SH2B1: variants seen among roughly 807,000 people sequenced by gnomAD.
SH2B1 encodes the protein SH2B adapter protein 1.
Under a neutral mutation model 62.6 loss-of-function variants are expected in SH2B1, and 15 were observed. That is an observed-to-expected ratio of 0.24 (90% CI 0.16 to 0.37). The LOEUF is 0.37. Ranked by LOEUF, SH2B1 falls within the 10% of genes least tolerant of loss-of-function variation. SH2B1 has a pLI of 1.00. For synonymous variants in SH2B1, 443 were observed against 438.0 expected (o/e 1.01, Z -0.14); for missense variants, 925 against 1,015.6 (o/e 0.91, Z 1.21).
Position 28,866,235 on chromosome 16 carries a change from C to G in SH2B1, c.141C>G (p.Leu47=). Residue 47 remains leucine (L), a synonymous_variant, in exon 1 of 8, where the codon CTC becomes CTG. Transcript: ENST00000684370. This position sits in a 1 kb window ranked among gnomAD's most constrained non-coding sequence, Gnocchi z 6.3. ...TGGACTTTGCCCGCCGTTTTCGCCT[C>G]TACCTGGCCTCCCACCCCCAATATG... The part of the protein sequence containing the change: ...AALDFARRFR[L]YLASHPQYAG... 6.2e-7 allele frequency: 1 copy of G among 1,610,872 alleles called. No homozygotes were observed. Among genetic ancestry groups the G allele is most frequent in the Non-Finnish European group, 8.5e-7 (1 of 1,179,432 alleles).
Position 28,866,520 on chromosome 16 carries a change from A to G in SH2B1, c.426A>G (p.Thr142=), listed in dbSNP as rs1390134212. The stretch of plus-strand genomic sequence containing the variant: ...CTTCCTCAGTCTCTTCCTCCTCTAC[A>G]ACCTCCTCCAAGCCGAAGCTCAAGA... ...PLPSSVSSSS[T]TSSKPKLKKR... Residue 142 remains threonine, a synonymous_variant, in exon 1 of 8, where the codon ACA becomes ACG. Transcript: ENST00000684370. The surrounding 1 kb of genome is among the most constrained non-coding windows in gnomAD (Gnocchi z 6.3). 2 of 1,613,644 alleles carry G rather than the reference A, an allele frequency of 1.2e-6. No homozygotes were observed. Among genetic ancestry groups the G allele is most frequent in the Non-Finnish European group, 8.5e-7 (1 of 1,179,932 alleles).
chr16:28,859,869 C>CG (rs200424911), upstream of SH2B1, among the ~76,000 whole-genome samples: 3 of 59,518 alleles, frequency 5.0e-5, no homozygotes, highest in Admixed American at 1.6e-4. Flanking sequence ...AACCAATAGA[C>CG]CCCCCCCCCC....
chr16:28,859,903 G>C (rs1359197018), upstream of SH2B1, among the ~76,000 whole-genome samples: 1 of 133,048 alleles, frequency 7.5e-6, no homozygotes, highest in African/African-American at 3.0e-5. Flanking sequence ...GTTTAAGTTA[G>C]CTGGAATTAG....
At position 28,863,912 on chromosome 16, in the gene SH2B1, G is replaced by T; in HGVS notation, c.-2183G>T. 1.4e-6 allele frequency: 2 copies of T among 1,480,958 alleles called. No homozygotes were observed. The highest frequency in any genetic ancestry group is 1.3e-5 in the South Asian group (1 of 78,150). The allele number at this position is 1,480,958 out of a possible 1,614,324, so 91.7% of individuals were successfully genotyped here. A position where few individuals can be genotyped will look rare whatever the true frequency, so the allele number is the denominator to read the frequency against. On this transcript the variant is annotated 5_prime_UTR_variant, in exon 1 of 8. Coordinates refer to ENST00000684370, the MANE Select transcript of SH2B1 (RefSeq NM_001387430.1). Reference sequence around the variant, plus strand: ...AGCGGGAGCCGCCGCCGCCGCCGCCGCCGCCGGAGCTAACCTCGGGGACCG... The same window carrying T: ...AGCGGGAGCCGCCGCCGCCGCCGCCTCCGCCGGAGCTAACCTCGGGGACCG...
intron 4 of SH2B1, among the ~76,000 whole-genome samples, chr16:28,869,655 C>G (rs149403937): frequency 6.6e-6 from 1 of 152,318 alleles, no homozygotes; most frequent in African/African-American, 2.4e-5. Flanking sequence ...TCCTGCCAGC[C>G]ACCGCTCTGG....
In SH2B1 at chr16:28,866,653, A is replaced by G. The variant is rs528079443; in HGVS notation, c.559A>G (p.Thr187Ala). 2.7e-5 allele frequency: 44 copies of G among 1,611,676 alleles called. 1 individual carries two copies. The South Asian group carries it at 4.6e-4, about 17-fold the overall frequency. The change falls in exon 1 of 8, where the codon ACC becomes GCC. Residue 187 changes from threonine to alanine, a missense_variant. This residue lies in a region of SH2B1 where 683 missense variants were observed against 704.0 expected (regional missense o/e 0.97). Coordinates refer to ENST00000684370, the MANE Select transcript of SH2B1 (RefSeq NM_001387430.1). The surrounding 1 kb of genome is among the most constrained non-coding windows in gnomAD (Gnocchi z 6.3). ...DPPSSAGPLETSSGPPVLGGN... is the reference protein window; with the variant it reads ...DPPSSAGPLEASSGPPVLGGN... ...TCCCTCCTCCGCTGGGCCCCTGGAG[A>G]CCTCGTCAGGCCCCCCAGTCTTAGG...
chr16:28,850,922 C>A (rs1325732751), intron 1 of SH2B1, among the ~76,000 whole-genome samples: 1 of 150,208 alleles, frequency 6.7e-6, no homozygotes, highest in Non-Finnish European at 1.5e-5. Flanking sequence ...TGCCTGTAAT[C>A]CCAGCACTTT....
In SH2B1 at chr16:28,852,736, A is replaced by G. The variant is rs1348105290; in HGVS notation, c.-301+5909A>G. On this transcript the variant is annotated intron_variant, in intron 1 of 10. Transcript: ENST00000322610. Reference sequence around the variant, plus strand: ...TTTACATATATATTTATATATATACATATATATATTTACATATATATGTAT... The same window carrying G: ...TTTACATATATATTTATATATATACGTATATATATTTACATATATATGTAT... Among the ~76,000 whole-genome samples, 39 of 39,366 alleles carry G rather than the reference A, an allele frequency of 9.9e-4. 5 individuals are homozygous for G. The highest frequency in any genetic ancestry group is 4.8e-3 in the East Asian group (10 of 2,062). 25.8% of individuals were successfully genotyped at this position (39,366 alleles called of 152,430 possible).
At chr16:28,852,764 ATAT>A (rs1962184045) in intron 1 of SH2B1, among the ~76,000 whole-genome samples, 4 of 73,288 alleles carry the variant, frequency 5.5e-5, no homozygotes, top group Admixed American at 2.6e-4. Flanking sequence ...ATATGTATAT[ATAT>A]ATTTATATAT....
In SH2B1 at chr16:28,872,798, T is replaced by C. The variant is rs771561602; in HGVS notation, c.1897+93T>C. 1.3e-6 allele frequency: 2 copies of C among 1,502,470 alleles called. No individual in the cohort carries two copies. Among genetic ancestry groups the C allele is most frequent in the Non-Finnish European group, 1.8e-6 (2 of 1,095,326 alleles). 93.1% of individuals were successfully genotyped at this position (1,502,470 alleles called of 1,614,324 possible). On this transcript the variant is annotated intron_variant, in intron 7 of 7. Coordinates refer to ENST00000684370, the MANE Select transcript of SH2B1 (RefSeq NM_001387430.1). This position sits in a 1 kb window ranked among gnomAD's most constrained non-coding sequence, Gnocchi z 5.3. The stretch of plus-strand genomic sequence containing the variant: ...AAGATGGGGCGGGGAGGGGGGACTA[T>C]CACAAGGAGAAGCTTTGCTTGGGAG...
At chr16:28,846,638 T>G (rs1596605397), upstream of SH2B1, 1 of 297,042 alleles carries the variant, frequency 3.4e-6, no homozygotes, top group African/African-American at 2.2e-5. Flanking sequence ...GCTGTGGAGG[T>G]GATCAGAGTG....
At position 28,872,144 on chromosome 16, in the gene SH2B1, A is replaced by T; in HGVS notation, c.1514-46A>T. 2 of 1,566,906 alleles carry T rather than the reference A, an allele frequency of 1.3e-6. No individual in the cohort carries two copies. The highest frequency in any genetic ancestry group is 1.7e-6 in the Non-Finnish European group (2 of 1,143,300). On this transcript the variant is annotated intron_variant, in intron 5 of 7. Transcript: ENST00000684370. This position sits in a 1 kb window ranked among gnomAD's most constrained non-coding sequence, Gnocchi z 5.3. ...AGGCTTTTTTCTCCCAGGATGGGGGAGGCTGCCCTGACACCCCGGTTTCCC... is the reference window on the plus strand; with the variant it reads ...AGGCTTTTTTCTCCCAGGATGGGGGTGGCTGCCCTGACACCCCGGTTTCCC...
intron 1 of SH2B1, among the ~76,000 whole-genome samples, chr16:28,852,724 T>TATATACA (rs1962178318): frequency 1.4e-5 from 1 of 69,556 alleles, no homozygotes; most frequent in African/African-American, 6.6e-5. Flanking sequence ...ACATATATAT[T>TATATACA]TATATATATA....
chr16:28,872,692 C>T lies in SH2B1; in HGVS notation c.1884C>T (p.Ser628=). The change falls in exon 7 of 8, where the codon TCC becomes TCT. Residue 628 remains serine, a synonymous_variant. Coordinates refer to ENST00000684370, the MANE Select transcript of SH2B1 (RefSeq NM_001387430.1). The surrounding 1 kb of genome is among the most constrained non-coding windows in gnomAD (Gnocchi z 5.3). Reference sequence around the variant, plus strand: ...TCCTTGTCAGCTATGTCCCATCCTCCCAGCGACAGCAGGGTGAGCAGAGCA... The same window carrying T: ...TCCTTGTCAGCTATGTCCCATCCTCTCAGCGACAGCAGGGTGAGCAGAGCA... ...DVVLVSYVPS[S]QRQQEPTTSH... is the part of the protein sequence containing the mutation. 6.2e-7 allele frequency: 1 copy of T among 1,614,150 alleles called. No individual in the cohort carries two copies. The highest frequency in any genetic ancestry group is 8.5e-7 in the Non-Finnish European group (1 of 1,180,028).
Position 28,853,012 on chromosome 16 carries a change from AT to A in SH2B1, c.-301+6188del, listed in dbSNP as rs535735814. ...TATGTACATATATATGTACATATAT[AT>A]TTATATATGTACATATATATGTACA... On this transcript the variant is annotated intron_variant, in intron 1 of 10. Transcript: ENST00000322610. Among the ~76,000 whole-genome samples, 85 of 66,680 alleles carry A rather than the reference AT, an allele frequency of 1.3e-3. 13 individuals carry two copies. The highest frequency in any genetic ancestry group is 1.9e-3 in the Non-Finnish European group (77 of 40,916). The allele number at this position is 66,680 out of a possible 152,430, so 43.7% of individuals were successfully genotyped here. A position where few individuals can be genotyped will look rare whatever the true frequency, so the allele number is the denominator to read the frequency against.
At position 28,865,122 on chromosome 16, in the gene SH2B1, G is replaced by A. The variant is rs1962613604; in HGVS notation, c.-973G>A. ...GGGCATACTCCCCAGTGGGAGAAGA[G>A]GAAGGTGAAAAATCCTAGGGCCCCA... On this transcript the variant is annotated 5_prime_UTR_variant, in exon 1 of 8. Coordinates refer to ENST00000684370, the MANE Select transcript of SH2B1 (RefSeq NM_001387430.1). The A allele has an allele frequency of 1.0e-6, 1 of 985,468 alleles. No individual in the cohort carries two copies. Among genetic ancestry groups the A allele is most frequent in the Non-Finnish European group, 1.2e-6 (1 of 829,972 alleles). The allele number at this position is 985,468 out of a possible 1,614,324, so 61.0% of individuals were successfully genotyped here.
chr16:28,872,758 G>T lies in SH2B1; in HGVS notation c.1897+53G>T. The T allele has an allele frequency of 6.2e-7, 1 of 1,606,740 alleles. No homozygotes were observed. Among genetic ancestry groups the T allele is most frequent in the South Asian group, 1.1e-5 (1 of 90,416 alleles). ...AGGTGCCCGTGCACCCAAGAAGTGA[G>T]GTGTGTGTGCCAGAAAGATGGGGCG... is the stretch of plus-strand genomic sequence containing the variant. On this transcript the variant is annotated intron_variant, in intron 7 of 7. Coordinates refer to ENST00000684370, the MANE Select transcript of SH2B1 (RefSeq NM_001387430.1). This position sits in a 1 kb window ranked among gnomAD's most constrained non-coding sequence, Gnocchi z 5.3.
intron 1 of SH2B1, among the ~76,000 whole-genome samples, chr16:28,852,355 T>TATATATACATATATTTATATATATAC (rs1567458334): frequency 5.4e-5 from 1 of 18,352 alleles, no homozygotes; most frequent in African/African-American, 2.7e-4. Flanking sequence ...TATATATTTA[T>TATATATACATATATTTATATATATAC]ATATATATTT....
In SH2B1 at chr16:28,864,551, G is replaced by A; in HGVS notation, c.-1544G>A. ...CTGAGCTTGTAGGGTCGAGGCCCAG[G>A]AGGAAGGGGAGGGTTCACCGACTTA... On this transcript the variant is annotated 5_prime_UTR_variant, in exon 1 of 8. Transcript: ENST00000684370. 2.0e-6 allele frequency: 2 copies of A among 985,728 alleles called. No individual in the cohort carries two copies. Among genetic ancestry groups the A allele is most frequent in the Non-Finnish European group, 2.4e-6 (2 of 830,082 alleles). The allele number at this position is 985,728 out of a possible 1,614,324, so 61.1% of individuals were successfully genotyped here.
Sources: allele counts gnomAD v4.1 joint callset (sites outside exome capture counted in the v4.1 genomes callset), GRCh38; gene constraint gnomAD v4.1.1; regional missense constraint gnomAD v4.1.1; non-coding constraint Gnocchi (gnomAD v3.1); transcripts MANE v1.5; gene names NCBI Gene and HGNC (gene_info 2026-07-23, HGNC 2026-07-21).